Variants in CHRM3 observed in about 807,000 individuals in gnomAD.
CHRM3 encodes the protein muscarinic acetylcholine receptor M3.
CHRM3 carries 11 observed loss-of-function variants against 41.8 expected under a neutral mutation model. The ratio of observed to expected loss-of-function variants is 0.26; its 90% CI spans 0.17 to 0.44. The LOEUF (loss-of-function observed/expected upper bound fraction) is 0.44, where lower values mean the gene tolerates loss of function less well. Ranked by LOEUF, CHRM3 falls within the 20% of genes least tolerant of loss-of-function variation. CHRM3 has a pLI of 1.00. For missense variants in CHRM3, 571 were observed against 745.4 expected, an observed-to-expected ratio of 0.77 and a Z score of 2.72; for synonymous variants, 297 against 301.4, an observed-to-expected ratio of 0.99 and a Z score of 0.15.
At chr1:239,840,068 A>AC in intron 6 of CHRM3, among the ~76,000 whole-genome samples, 2 of 152,286 alleles carry the variant, frequency 1.3e-5, no homozygotes, top group South Asian at 4.1e-4. Flanking sequence ...TAAATAACAA[A>AC]CATGGAACTG....
chr1:239,414,155 T>C (rs1345582915), intron 1 of CHRM3, among the ~76,000 whole-genome samples: 2 of 152,240 alleles, frequency 1.3e-5, no homozygotes, highest in Non-Finnish European at 2.9e-5. Context: ...TGTCTGAATG[T>C]TGGGGCTCTG....
chr1:239,522,131 A>G (rs1268418665), intron 2 of CHRM3, among the ~76,000 whole-genome samples: 1 of 152,200 alleles, frequency 6.6e-6, no homozygotes, highest in Non-Finnish European at 1.5e-5. Flanking sequence ...ATGTAGGCAG[A>G]CTGTTGTAAC....
chr1:239,579,680 T>G (rs193115150), intron 3 of CHRM3, among the ~76,000 whole-genome samples: 1 of 152,200 alleles, frequency 6.6e-6, no homozygotes, highest in Non-Finnish European at 1.5e-5. Context: ...ATAATTGTTG[T>G]GCACCTCAAT....
chr1:239,616,299 CTTA>C (rs549097877), intron 3 of CHRM3, among the ~76,000 whole-genome samples: 81 of 152,268 alleles, frequency 5.3e-4, no homozygotes, highest in Non-Finnish European at 6.3e-4. Context: ...GTCCACACAA[CTTA>C]TCTCTAGGTT....
chr1:239,749,524 T>C (rs1042521034), intron 5 of CHRM3, among the ~76,000 whole-genome samples: 1 of 151,958 alleles, frequency 6.6e-6, no homozygotes, highest in Admixed American at 6.5e-5. Flanking sequence ...AAAAATTAGC[T>C]AGGTGTGGTA....
At chr1:239,694,318 C>A (rs897188687) in intron 5 of CHRM3, among the ~76,000 whole-genome samples, 17 of 152,200 alleles carry the variant, frequency 1.1e-4, no homozygotes, top group Non-Finnish European at 2.9e-5. Context: ...AGATCCTTCT[C>A]TGCCTCACTG....
At chr1:239,728,003 C>T (rs1185791396) in intron 5 of CHRM3, among the ~76,000 whole-genome samples, 2 of 151,972 alleles carry the variant, frequency 1.3e-5, no homozygotes, top group Non-Finnish European at 2.9e-5. Context: ...CCCAATCAAG[C>T]TAATTTACAT....
intron 4 of CHRM3, among the ~76,000 whole-genome samples, chr1:239,637,071 TA>T (rs1258092838): frequency 6.6e-6 from 1 of 152,198 alleles, no homozygotes; most frequent in African/African-American, 2.4e-5. Flanking sequence ...GTATTGAATT[TA>T]TATAGAACTT....
intron 4 of CHRM3, among the ~76,000 whole-genome samples, chr1:239,663,725 G>A (rs776160125): frequency 5.3e-5 from 8 of 152,142 alleles, no homozygotes; most frequent in Non-Finnish European, 1.0e-4. Context: ...TTTGCACTTC[G>A]TTAATTGTAG....
rs564207330 is a variant in CHRM3 at position 239,909,595 on chromosome 1, A to G, written c.*371A>G. On this transcript the variant is annotated 3_prime_UTR_variant, in exon 7 of 7. Transcript: ENST00000676153. ...AATCTCAGATGAGCATAGCTGACCCAGTTCCCACATTCTTCCCAAGGATCC... is the reference window on the plus strand; with the variant it reads ...AATCTCAGATGAGCATAGCTGACCCGGTTCCCACATTCTTCCCAAGGATCC... The G allele has an allele frequency of 2.2e-4, 41 of 183,530 alleles. No homozygotes were observed. The highest frequency in any genetic ancestry group is 3.2e-4 in the Non-Finnish European group (25 of 78,880). 11.4% of individuals were successfully genotyped at this position (183,530 alleles called of 1,614,324 possible).
At chr1:239,404,341 A>G (rs537124520) in intron 1 of CHRM3, among the ~76,000 whole-genome samples, 5 of 135,390 alleles carry the variant, frequency 3.7e-5, no homozygotes, top group Non-Finnish European at 6.3e-5. Context: ...AGGAAGAAAG[A>G]AAGAGAAAGA....
intron 6 of CHRM3, among the ~76,000 whole-genome samples, chr1:239,841,318 G>T (rs1263383120): frequency 1.3e-5 from 2 of 152,138 alleles, no homozygotes; most frequent in Non-Finnish European, 2.9e-5. Flanking sequence ...GTATGCTCTG[G>T]AGATGAATTT....
At chr1:239,506,272 C>G (rs1668564010) in intron 2 of CHRM3, among the ~76,000 whole-genome samples, 1 of 152,098 alleles carries the variant, frequency 6.6e-6, no homozygotes, top group African/African-American at 2.4e-5. Context: ...AGCAGGCCCT[C>G]CCATCACAAG....
chr1:239,648,470 A>G (rs964119481), intron 4 of CHRM3, among the ~76,000 whole-genome samples: 1 of 152,176 alleles, frequency 6.6e-6, no homozygotes, highest in Non-Finnish European at 1.5e-5. Flanking sequence ...GAGAGTGTGG[A>G]CAACACAAGA....
At chr1:239,530,981 C>T (rs1162907634) in intron 2 of CHRM3, among the ~76,000 whole-genome samples, 1 of 152,012 alleles carries the variant, frequency 6.6e-6, no homozygotes, top group Non-Finnish European at 1.5e-5. Context: ...AGAAGCTCAA[C>T]GAACTGCAAG....
chr1:239,684,845 G>A (rs947815141), intron 5 of CHRM3, among the ~76,000 whole-genome samples: 8 of 151,932 alleles, frequency 5.3e-5, no homozygotes, highest in African/African-American at 1.9e-4. Flanking sequence ...AGAATTTTCT[G>A]GGACAGTGGA....
intron 6 of CHRM3, among the ~76,000 whole-genome samples, chr1:239,874,295 A>G (rs1359981556): frequency 1.4e-5 from 1 of 73,162 alleles, no homozygotes; most frequent in African/African-American, 5.7e-5. Flanking sequence ...GTATATATAT[A>G]TATATATATA....
chr1:239,741,738 T>C (rs1664868424), intron 5 of CHRM3, among the ~76,000 whole-genome samples: 1 of 152,172 alleles, frequency 6.6e-6, no homozygotes. Context: ...CATGCACTTA[T>C]ATGCAAAAAA....
At chr1:239,573,211 C>T (rs1174080966) in intron 3 of CHRM3, among the ~76,000 whole-genome samples, 3 of 152,134 alleles carry the variant, frequency 2.0e-5, no homozygotes, top group Admixed American at 6.6e-5. Flanking sequence ...GTCACTTTCC[C>T]TTTTTCTCCT....
Sources: allele counts gnomAD v4.1 joint callset (sites outside exome capture counted in the v4.1 genomes callset), GRCh38; gene constraint gnomAD v4.1.1; transcripts MANE v1.5; gene names NCBI Gene and HGNC (gene_info 2026-07-23, HGNC 2026-07-21).